FHIT: variants seen among roughly 807,000 people sequenced by gnomAD.
FHIT encodes the protein bis(5'-adenosyl)-triphosphatase.
A neutral mutation model predicts 17.9 loss-of-function variants in FHIT; 19 were observed. The ratio of observed to expected loss-of-function variants is 1.06; its 90% CI spans 0.74 to 1.56. The LOEUF (loss-of-function observed/expected upper bound fraction) is 1.56, where lower values mean the gene tolerates loss of function less well. FHIT is among the 40% of genes most tolerant of loss of function. FHIT has a pLI of 0.00. For synonymous variants in FHIT, 81 were observed against 69.7 expected (o/e 1.16, Z -0.81); for missense variants, 248 against 189.2 (o/e 1.31, Z -1.82).
chr3:60,378,493 G>C (rs1053694183), intron 5 of FHIT, among the ~76,000 whole-genome samples: 1 of 152,146 alleles, frequency 6.6e-6, no homozygotes, highest in East Asian at 1.9e-4. Flanking sequence ...AGTAGATCTA[G>C]AGACATTTAA....
intron 5 of FHIT, among the ~76,000 whole-genome samples, chr3:60,149,554 C>T (rs896086545): frequency 7.2e-5 from 11 of 152,008 alleles, no homozygotes; most frequent in African/African-American, 2.7e-4. Context: ...CTGGAAGATG[C>T]TTTAGAGGGT....
chr3:60,019,356 A>G (rs1257979428), intron 5 of FHIT, among the ~76,000 whole-genome samples: 2 of 151,264 alleles, frequency 1.3e-5, no homozygotes, highest in Non-Finnish European at 2.9e-5. Flanking sequence ...CAGGGGCCCA[A>G]GGTATCTTGG....
chr3:61,068,903 G>A (rs1342287579), intron 2 of FHIT, among the ~76,000 whole-genome samples: 2 of 152,006 alleles, frequency 1.3e-5, no homozygotes, highest in East Asian at 1.9e-4. Flanking sequence ...GCAGCAAGGG[G>A]GACCAGAGAA....
chr3:60,054,303 G>C lies in FHIT; in HGVS notation c.104-40151C>G, dbSNP rs1701997265. The stretch of plus-strand genomic sequence containing the variant: ...GTGTAAAACTATTTTCAAGCACAAA[G>C]TTAAAAACTTCTAATACAGAACCTG... On this transcript the variant is annotated intron_variant, in intron 5 of 9. Coordinates refer to ENST00000492590, the MANE Select transcript of FHIT (RefSeq NM_002012.4). 2.0e-5 allele frequency among the ~76,000 whole-genome samples: 3 copies of C among 152,156 alleles called. No homozygotes were observed. In the South Asian group the frequency reaches 6.2e-4, roughly 32 times the overall value.
At chr3:59,791,007 G>A (rs1371181628) in intron 8 of FHIT, among the ~76,000 whole-genome samples, 1 of 152,054 alleles carries the variant, frequency 6.6e-6, no homozygotes, top group Non-Finnish European at 1.5e-5. Context: ...AGCATCTTTG[G>A]GAAGCCTTTC....
intron 3 of FHIT, among the ~76,000 whole-genome samples, chr3:60,958,253 A>G (rs1422125364): frequency 6.6e-6 from 1 of 152,196 alleles, no homozygotes; most frequent in Non-Finnish European, 1.5e-5. Flanking sequence ...TATACCTGGT[A>G]TAGAATAAGG....
chr3:60,094,679 C>T (rs1703866479), intron 5 of FHIT, among the ~76,000 whole-genome samples: 1 of 152,148 alleles, frequency 6.6e-6, no homozygotes, highest in South Asian at 2.1e-4. Context: ...TTTTCCCCTA[C>T]ACCTTGATTC....
intron 4 of FHIT, among the ~76,000 whole-genome samples, chr3:60,607,709 G>T (rs1351701138): frequency 6.6e-6 from 1 of 151,768 alleles, no homozygotes; most frequent in Non-Finnish European, 1.5e-5. Flanking sequence ...TCCTAACAAG[G>T]TTTTCATTTT....
chr3:60,875,922 CAT>C (rs1491381838), intron 3 of FHIT, among the ~76,000 whole-genome samples: 4 of 61,158 alleles, frequency 6.5e-5, no homozygotes, highest in African/African-American at 1.5e-4. Flanking sequence ...AAAACTTATT[CAT>C]GTGTGTGTGT....
chr3:60,839,794 T>C (rs1189954329), intron 3 of FHIT, among the ~76,000 whole-genome samples: 1 of 152,140 alleles, frequency 6.6e-6, no homozygotes, highest in African/African-American at 2.4e-5. Flanking sequence ...TGAAATGGAA[T>C]AGATTTCTGC....
At chr3:60,632,285 A>G (rs1395225930) in intron 4 of FHIT, among the ~76,000 whole-genome samples, 1 of 152,188 alleles carries the variant, frequency 6.6e-6, no homozygotes, top group Non-Finnish European at 1.5e-5. Flanking sequence ...CTACTCACTC[A>G]GTAACCACAG....
chr3:61,159,170 C>A (rs980254499), intron 2 of FHIT, among the ~76,000 whole-genome samples: 1 of 152,052 alleles, frequency 6.6e-6, no homozygotes, highest in Non-Finnish European at 1.5e-5. Context: ...CCATATGATC[C>A]AAAGTAATGC....
rs968199304 is a variant in FHIT, at chr3:59,758,801, T to C, written c.349-6480A>G. ...AATGAAATGGTGTGAAAATATGGCA[T>C]TAACAGCTTGAGAAATGGCCCCTGG... On this transcript the variant is annotated intron_variant, in intron 8 of 9. Transcript: ENST00000492590. Among the ~76,000 whole-genome samples, 10 of 152,034 alleles carry C rather than the reference T, an allele frequency of 6.6e-5. No homozygotes were observed. The East Asian group carries it at 1.7e-3, about 26-fold the overall frequency.
chr3:60,029,490 A>G (rs564944526), intron 5 of FHIT, among the ~76,000 whole-genome samples: 14 of 152,310 alleles, frequency 9.2e-5, no homozygotes, highest in Admixed American at 1.3e-4. Context: ...AAAAAGACAT[A>G]TATATGCAGT....
At chr3:60,530,549 A>C (rs1160465574) in intron 5 of FHIT, among the ~76,000 whole-genome samples, 1 of 152,220 alleles carries the variant, frequency 6.6e-6, no homozygotes, top group Non-Finnish European at 1.5e-5. Flanking sequence ...TGGGAGAGGA[A>C]GAGACTAGCA....
At chr3:60,698,810 T>C (rs2041172987) in intron 4 of FHIT, among the ~76,000 whole-genome samples, 1 of 152,294 alleles carries the variant, frequency 6.6e-6, no homozygotes, top group South Asian at 2.1e-4. Flanking sequence ...GGACAAACTT[T>C]CATGTATTTT....
At chr3:59,950,701 C>T (rs1307671566) in intron 7 of FHIT, among the ~76,000 whole-genome samples, 1 of 152,224 alleles carries the variant, frequency 6.6e-6, no homozygotes, top group African/African-American at 2.4e-5. Flanking sequence ...ACTGTAGCCT[C>T]CAGGAGGGAA....
At chr3:60,841,088 C>A (rs1200975240) in intron 3 of FHIT, among the ~76,000 whole-genome samples, 1 of 152,076 alleles carries the variant, frequency 6.6e-6, no homozygotes, top group African/African-American at 2.4e-5. Context: ...TCTGGAGAAC[C>A]CAAAATCCAA....
chr3:60,863,023 A>G (rs182756050), intron 3 of FHIT, among the ~76,000 whole-genome samples: 1 of 152,282 alleles, frequency 6.6e-6, no homozygotes, highest in Admixed American at 6.5e-5. Context: ...TGAGGTTGTA[A>G]AAACATAAGT....
Sources: allele counts gnomAD v4.1 joint callset (sites outside exome capture counted in the v4.1 genomes callset), GRCh38; gene constraint gnomAD v4.1.1; transcripts MANE v1.5; gene names NCBI Gene and HGNC (gene_info 2026-07-23, HGNC 2026-07-21).